The following SLC38A3 variants were observed in gnomAD, a reference collection of about 807,000 sequenced individuals.
SLC38A3 encodes sodium-coupled neutral amino acid transporter 3.
Under a neutral mutation model 59.5 loss-of-function variants are expected in SLC38A3, and 17 were observed. The observed-to-expected ratio is 0.29, with a 90% confidence interval of 0.20 to 0.43. SLC38A3 has a LOEUF of 0.43. Ranked by LOEUF, SLC38A3 falls within the 20% of genes least tolerant of loss-of-function variation. The probability of loss-of-function intolerance (pLI) is 1.00; values close to 1 mark genes in which losing one functional copy is unlikely to be tolerated. For missense variants in SLC38A3, 454 were observed against 653.9 expected, an observed-to-expected ratio of 0.69 and a Z score of 3.33; for synonymous variants, 238 against 260.3, an observed-to-expected ratio of 0.91 and a Z score of 0.82.
Position 50,214,802 on chromosome 3 carries a change from G to T in SLC38A3, c.299+34G>T, listed in dbSNP as rs1320465732. 1 of 1,413,534 alleles carries T rather than the reference G, an allele frequency of 7.1e-7. No homozygotes were observed. Among genetic ancestry groups the T allele is most frequent in the Admixed American group, 1.9e-5 (1 of 51,792 alleles). The allele number at this position is 1,413,534 out of a possible 1,614,324, so 87.6% of individuals were successfully genotyped here. ...CCTCAGAGAAACTTCTAAAGATAGG[G>T]GCCCTAAGCAAGCCACCAATCATGA... On this transcript the variant is annotated intron_variant, in intron 4 of 15. Transcript: ENST00000614032. The surrounding 1 kb of genome is among the most constrained non-coding windows in gnomAD (Gnocchi z 6.0).
chr3:50,211,186 G>C lies in SLC38A3; in HGVS notation c.-51-2963G>C, dbSNP rs74736546. 6.8e-4 allele frequency among the ~76,000 whole-genome samples: 103 copies of C among 152,294 alleles called. 1 individual carries two copies. The East Asian group carries it at 0.013, about 19-fold the overall frequency. On this transcript the variant is annotated intron_variant, in intron 1 of 15. Coordinates refer to ENST00000614032, the MANE Select transcript of SLC38A3 (RefSeq NM_006841.6). ...TGAGTTTACCCCGATTCCGATTCCC[G>C]GATACAAAGGAGCCTGGGAGGCCAC...
At chr3:50,210,299 C>T (rs925594591) in intron 1 of SLC38A3, among the ~76,000 whole-genome samples, 6 of 152,128 alleles carry the variant, frequency 3.9e-5, no homozygotes, top group Non-Finnish European at 8.8e-5. Flanking sequence ...AGCCCTCACC[C>T]CTGAGCCCCC....
At chr3:50,210,461 G>A (rs1275950137) in intron 1 of SLC38A3, among the ~76,000 whole-genome samples, 1 of 152,122 alleles carries the variant, frequency 6.6e-6, no homozygotes, top group Non-Finnish European at 1.5e-5. Context: ...GAGTGCGAAG[G>A]CCTCCCTGTC....
At chr3:50,210,152 G>A (rs1370354008) in intron 1 of SLC38A3, among the ~76,000 whole-genome samples, 1 of 152,140 alleles carries the variant, frequency 6.6e-6, no homozygotes, top group East Asian at 1.9e-4. Context: ...CTAGTAGGGG[G>A]CATCTTCCCT....
At chr3:50,216,463 T>C (rs1559755212) in intron 7 of SLC38A3, among the ~76,000 whole-genome samples, 1 of 152,202 alleles carries the variant, frequency 6.6e-6, no homozygotes, top group Non-Finnish European at 1.5e-5. Flanking sequence ...TATCCATTCC[T>C]GGTGGGTAGA....
rs372965474 is a variant in SLC38A3, at chr3:50,215,833, C to G, written c.548+12C>G. Reference sequence around the variant, plus strand: ...GAGGAGAAAACCTCGTGAGCCCTGGCGTGGGGAGGGGAGGGGAGGGGTGCG... The same window carrying G: ...GAGGAGAAAACCTCGTGAGCCCTGGGGTGGGGAGGGGAGGGGAGGGGTGCG... On this transcript the variant is annotated intron_variant, in intron 7 of 15. Transcript: ENST00000614032. This position sits in a 1 kb window ranked among gnomAD's most constrained non-coding sequence, Gnocchi z 7.1. The G allele has an allele frequency of 2.2e-3, 2,591 of 1,198,572 alleles. 34 individuals are homozygous for G. The African/African-American group carries it at 0.047, about 22-fold the overall frequency. The allele number at this position is 1,198,572 out of a possible 1,614,324, so 74.2% of individuals were successfully genotyped here.
intron 1 of SLC38A3, among the ~76,000 whole-genome samples, chr3:50,208,558 C>T (rs35768187): frequency 6.6e-6 from 1 of 152,228 alleles, no homozygotes; most frequent in African/African-American, 2.4e-5. Context: ...CCACCATGCC[C>T]GGCCTTACAG....
Position 50,215,071 on chromosome 3 carries a change from C to T in SLC38A3, c.299+303C>T, listed in dbSNP as rs1699797407. Among the ~76,000 whole-genome samples the T allele has an allele frequency of 6.6e-6, 1 of 152,280 alleles. No homozygotes were observed. Among genetic ancestry groups the T allele is most frequent in the East Asian group, 1.9e-4 (1 of 5,198 alleles). On this transcript the variant is annotated intron_variant, in intron 4 of 15. Transcript: ENST00000614032. This position sits in a 1 kb window ranked among gnomAD's most constrained non-coding sequence, Gnocchi z 7.1. ...TTGTGTGGGCACACGTGTCCTTTGG[C>T]TGGGGGCTCTGCCCTGAAGCCAGAA...
At chr3:50,212,813 G>C (rs1575424550) in intron 1 of SLC38A3, among the ~76,000 whole-genome samples, 1 of 152,182 alleles carries the variant, frequency 6.6e-6, no homozygotes, top group East Asian at 1.9e-4. Flanking sequence ...CAGATTCAAG[G>C]GCAGACCTGA....
chr3:50,220,162 T>G lies in SLC38A3; in HGVS notation c.1500T>G (p.His500Gln). 1 of 1,593,664 alleles carries G rather than the reference T, an allele frequency of 6.3e-7. No individual in the cohort carries two copies. Among genetic ancestry groups the G allele is most frequent in the South Asian group, 1.1e-5 (1 of 88,064 alleles). Residue 500 changes from histidine to glutamine, a missense_variant, in exon 16 of 16, where the codon CAT becomes CAG. By Grantham distance (24) the His-to-Gln change is conservative. Coordinates refer to ENST00000614032, the MANE Select transcript of SLC38A3 (RefSeq NM_006841.6). ...ACTGGGCCTCAGGGACCAGCCGGCATGGAGGAAACCACTAGGGTGACCCTC... is the reference window on the plus strand; with the variant it reads ...ACTGGGCCTCAGGGACCAGCCGGCAGGGAGGAAACCACTAGGGTGACCCTC... The part of the protein sequence containing the change: ...IIDWASGTSR[H>Q]GGNH
chr3:50,214,381 C>A lies in SLC38A3; in HGVS notation c.102-21C>A, dbSNP rs1348668306. On this transcript the variant is annotated intron_variant, in intron 2 of 15. Coordinates refer to ENST00000614032, the MANE Select transcript of SLC38A3 (RefSeq NM_006841.6). The surrounding 1 kb of genome is among the most constrained non-coding windows in gnomAD (Gnocchi z 6.0). ...AGCAAAGGGCTGGAGCTGAGCCACCCACCCTGACCTGTGCCTACAGGGTCG... is the reference window on the plus strand; with the variant it reads ...AGCAAAGGGCTGGAGCTGAGCCACCAACCCTGACCTGTGCCTACAGGGTCG... The A allele has an allele frequency of 6.3e-7, 1 of 1,598,436 alleles. No homozygotes were observed. Among genetic ancestry groups the A allele is most frequent in the Non-Finnish European group, 8.5e-7 (1 of 1,171,854 alleles).
At chr3:50,209,648 C>CAAAAAAAAAAAAAAA (rs113482440) in intron 1 of SLC38A3, among the ~76,000 whole-genome samples, 1 of 114,924 alleles carries the variant, frequency 8.7e-6, no homozygotes, top group African/African-American at 3.3e-5. Context: ...GACTCCGTCT[C>CAAAAAAAAAAAAAAA]AAAAAAAAAA....
In SLC38A3 at chr3:50,220,148, G is replaced by C. The variant is rs1049137755; in HGVS notation, c.1486G>C (p.Gly496Arg). ...LSFIIIDWAS[G>R]TSRHGGNH ...CTTCATCATCATTGACTGGGCCTCA[G>C]GGACCAGCCGGCATGGAGGAAACCA... The change falls in exon 16 of 16, where the codon GGG becomes CGG. Residue 496 changes from glycine (G) to arginine (R), a missense_variant. This residue lies in a region of SLC38A3 where 59 missense variants were observed against 70.8 expected (regional missense o/e 0.83). Transcript: ENST00000614032. 3 of 1,598,508 alleles carry C rather than the reference G, an allele frequency of 1.9e-6. No homozygotes were observed. Among genetic ancestry groups the C allele is most frequent in the Non-Finnish European group, 2.6e-6 (3 of 1,171,738 alleles).
Position 50,218,812 on chromosome 3 carries a change from C to A in SLC38A3, c.1170C>A (p.Arg390=), listed in dbSNP as rs781069217. Residue 390 remains arginine (R), a synonymous_variant, in exon 14 of 16, where the codon CGC becomes CGA. Transcript: ENST00000614032. The surrounding 1 kb of genome is among the most constrained non-coding windows in gnomAD (Gnocchi z 5.8). ...TCTCACCTGCCCCCCAGGTGCGCCG[C>A]GCCATCCAGCAGATGCTGTTTCCAA... ...TVPIVLFPVR[R]AIQQMLFPNQ... 1.9e-6 allele frequency: 3 copies of A among 1,607,646 alleles called. No individual in the cohort carries two copies. In the Admixed American group the frequency reaches 5.0e-5, roughly 27 times the overall value.
In SLC38A3 at chr3:50,217,954, T is replaced by C; in HGVS notation, c.893T>C (p.Val298Ala). The C allele has an allele frequency of 6.2e-7, 1 of 1,613,990 alleles. No homozygotes were observed. The highest frequency in any genetic ancestry group is 8.5e-7 in the Non-Finnish European group (1 of 1,179,882). ...YTIPIMAFAF[V>A]CHPEVLPIYT... Reference sequence around the variant, plus strand: ...ATCCCCATCATGGCCTTCGCCTTCGTCTGCCACCCCGAGGTGCTGCCCATC... The same window carrying C: ...ATCCCCATCATGGCCTTCGCCTTCGCCTGCCACCCCGAGGTGCTGCCCATC... The change falls in exon 11 of 16, where the codon GTC (valine) becomes GCC (alanine). Residue 298 changes from valine to alanine, a missense_variant. By Grantham distance (64) the Val-to-Ala change is moderately conservative (BLOSUM62 0). Coordinates refer to ENST00000614032, the MANE Select transcript of SLC38A3 (RefSeq NM_006841.6). The surrounding 1 kb of genome is among the most constrained non-coding windows in gnomAD (Gnocchi z 4.9).
rs1699780305 is a variant in SLC38A3 at position 50,214,191 on chromosome 3, C to T, written c.-9C>T. The T allele has an allele frequency of 6.2e-7, 1 of 1,612,192 alleles. No homozygotes were observed. The highest frequency in any genetic ancestry group is 8.5e-7 in the Non-Finnish European group (1 of 1,179,060). ...TGAGACCAGTGCTCCTGGTGGTGTG[C>T]CCTGAGCCATGGAGGCGCCTTTGCA... On this transcript the variant is annotated 5_prime_UTR_variant, in exon 2 of 16. Coordinates refer to ENST00000614032, the MANE Select transcript of SLC38A3 (RefSeq NM_006841.6). This position sits in a 1 kb window ranked among gnomAD's most constrained non-coding sequence, Gnocchi z 6.0.
chr3:50,212,652 TG>T (rs1257428547), intron 1 of SLC38A3, among the ~76,000 whole-genome samples: 2 of 151,834 alleles, frequency 1.3e-5, no homozygotes, highest in Admixed American at 1.3e-4. Context: ...TGGGGCTGCC[TG>T]GGGCAGTGCA....
chr3:50,211,653 A>G (rs1258825382), intron 1 of SLC38A3, among the ~76,000 whole-genome samples: 1 of 138,860 alleles, frequency 7.2e-6, no homozygotes. Context: ...CAATGGCGCA[A>G]TCTCAGCTCA....
intron 1 of SLC38A3, among the ~76,000 whole-genome samples, chr3:50,208,888 C>T (rs2095810104): frequency 6.6e-6 from 1 of 152,220 alleles, no homozygotes. Context: ...TCTTCCCTCC[C>T]TCTGCCTTTT....
Sources: gnomAD v4.1 joint callset for allele counts (sites outside exome capture counted in the v4.1 genomes callset) on GRCh38, gnomAD v4.1.1 for gene constraint, gnomAD v4.1.1 regional missense constraint, Gnocchi (gnomAD v3.1) non-coding constraint, MANE v1.5 for transcripts, NCBI Gene and HGNC (gene_info 2026-07-23, HGNC 2026-07-21) for gene names.